RB1CC1: variants seen among roughly 807,000 people sequenced by gnomAD.
The protein encoded by RB1CC1 is RB1-inducible coiled-coil protein 1.
A neutral mutation model predicts 177.5 loss-of-function variants in RB1CC1; 46 were observed. The observed-to-expected ratio is 0.26, with a 90% CI of 0.20 to 0.33. The LOEUF (loss-of-function observed/expected upper bound fraction) is 0.33, where lower values mean the gene tolerates loss of function less well. RB1CC1 is among the 10% of genes least tolerant of loss of function. The pLI, the probability that RB1CC1 is intolerant of heterozygous loss-of-function variation, is 1.00. For missense variants in RB1CC1, 1,703 were observed against 1,816.3 expected, an observed-to-expected ratio of 0.94 and a Z score of 1.13; for synonymous variants, 666 against 613.6, an observed-to-expected ratio of 1.09 and a Z score of -1.26.
intron 20 of RB1CC1, 120 bp from the exon 21 acceptor site, chr8:52,630,648 A>T: frequency 1.1e-6 from 1 of 949,076 alleles, no homozygotes; most frequent in South Asian, 2.6e-5. Flanking sequence ...AAAGAGCCCA[A>T]ACTAATATAG....
Position 52,674,096 on chromosome 8 carries a change from T to C in RB1CC1, c.751A>G (p.Asn251Asp), listed in dbSNP as rs1026770656. 3.1e-6 allele frequency: 5 copies of C among 1,614,150 alleles called. No homozygotes were observed. The highest frequency in any genetic ancestry group is 1.7e-5 in the Admixed American group (1 of 60,012). ...VLSPDMPRTTNESLLTSFPKS... is the reference protein window; with the variant it reads ...VLSPDMPRTTDESLLTSFPKS... ...GGAAATGAGGTTAACAAAGATTCGT[T>C]AGTTGTTCTAGGCATATCAGGAGAG... is the stretch of plus-strand genomic sequence containing the variant. Residue 251 changes from asparagine (N) to aspartate (D), a missense_variant, in exon 7 of 24, where the codon AAC becomes GAC. By Grantham distance (23) the Asn-to-Asp change is conservative. This residue lies in a region of RB1CC1 where 315 missense variants were observed against 304.9 expected (regional missense o/e 1.03). Transcript: ENST00000025008.
Position 52,661,601 on chromosome 8 carries a change from AAC to A in RB1CC1, c.1290_1291del (p.Leu431ArgfsTer3). 1 of 1,612,926 alleles carries A rather than the reference AAC, an allele frequency of 6.2e-7. No homozygotes were observed. Among genetic ancestry groups the A allele is most frequent in the Non-Finnish European group, 8.5e-7 (1 of 1,179,488 alleles). On this transcript the variant is annotated frameshift_variant, in exon 9 of 24. Transcript: ENST00000025008. LOFTEE classifies it high-confidence loss of function. Reference sequence around the variant, plus strand: ...AGTGGTACACTTCTGCTTAATATCTAACAGTTTTCTATGATTTTGCAACATAA... The same window carrying A: ...AGTGGTACACTTCTGCTTAATATCTAAGTTTTCTATGATTTTGCAACATAA...
intron 16 of RB1CC1, 91 bp from the exon 17 acceptor site, chr8:52,642,903 C>T (rs938599472): frequency 1.6e-6 from 2 of 1,278,954 alleles, no homozygotes; most frequent in Non-Finnish European, 2.0e-6. Flanking sequence ...TTTTCTGTGG[C>T]ACATTTGTAC....
At chr8:52,666,096 C>G (rs12680204) in intron 8 of RB1CC1, among the ~76,000 whole-genome samples, 34,046 of 151,934 alleles carry the variant, frequency 0.22, 4,602 homozygotes, top group East Asian at 0.65. Flanking sequence ...AAAGCACATA[C>G]CAAAAGCAAA....
chr8:52,687,108 T>C (rs918770703), intron 1 of RB1CC1, 141 bp from the exon 2 acceptor site: 11 of 351,766 alleles, frequency 3.1e-5, no homozygotes, highest in East Asian at 7.8e-5. Flanking sequence ...TTCACTATAA[T>C]AACAACCACA....
At chr8:52,636,513 A>T (rs935751254) in intron 18 of RB1CC1, among the ~76,000 whole-genome samples, 10 of 152,230 alleles carry the variant, frequency 6.6e-5, no homozygotes, top group African/African-American at 1.9e-4. Flanking sequence ...AGAAAATTTT[A>T]AAAAATGCTA....
chr8:52,641,196 C>T (rs953480913), intron 18 of RB1CC1, among the ~76,000 whole-genome samples: 2 of 151,712 alleles, frequency 1.3e-5, no homozygotes, highest in Admixed American at 1.3e-4. Context: ...CCAGCCTGTC[C>T]AACATGGTGA....
chr8:52,691,143 T>C (rs751842926), intron 1 of RB1CC1, among the ~76,000 whole-genome samples: 4 of 152,220 alleles, frequency 2.6e-5, no homozygotes, highest in Non-Finnish European at 5.9e-5. Flanking sequence ...GTAATATCTA[T>C]TTAATCTCTT....
Position 52,642,385 on chromosome 8 carries a change from C to T in RB1CC1, c.4303G>A (p.Asp1435Asn), listed in dbSNP as rs1225196264. ...ATCATGCTTGTCTCCATTGCTGAATCCACTCTTCCTTCATCTGCTGTTTCC... is the reference window on the plus strand; with the variant it reads ...ATCATGCTTGTCTCCATTGCTGAATTCACTCTTCCTTCATCTGCTGTTTCC... ...AVETADEGRV[D>N]SAMETSMMSV... The change falls in exon 18 of 24, where the codon GAT becomes AAT. Residue 1435 changes from aspartate (D) to asparagine (N), a missense_variant. Physicochemically the swap from Asp to Asn is conservative, Grantham distance 23 (BLOSUM62 1). Transcript: ENST00000025008. 2.5e-6 allele frequency: 4 copies of T among 1,613,932 alleles called. No individual in the cohort carries two copies. The highest frequency in any genetic ancestry group is 1.3e-5 in the African/African-American group (1 of 74,926).
intron 21 of RB1CC1, among the ~76,000 whole-genome samples, chr8:52,628,903 T>C (rs568049170): frequency 7.2e-5 from 11 of 152,348 alleles, no homozygotes; most frequent in African/African-American, 2.6e-4. Flanking sequence ...TTAATGTCTT[T>C]TATTTATTAA....
At chr8:52,699,183 A>G (rs1475490096) in intron 1 of RB1CC1, among the ~76,000 whole-genome samples, 1 of 152,212 alleles carries the variant, frequency 6.6e-6, no homozygotes, top group East Asian at 1.9e-4. Context: ...CAGAAGGAAA[A>G]ACAACTGACT....
chr8:52,666,038 T>C (rs1351128033), intron 8 of RB1CC1, among the ~76,000 whole-genome samples: 1 of 152,044 alleles, frequency 6.6e-6, no homozygotes, highest in Non-Finnish European at 1.5e-5. Flanking sequence ...TGTCCAATCA[T>C]CCAAATCTCT....
chr8:52,655,964 C>G (rs777800199), intron 15 of RB1CC1, 44 bp downstream of exon 15: 5 of 1,415,088 alleles, frequency 3.5e-6, no homozygotes, highest in Non-Finnish European at 4.8e-6. Context: ...AAACGAATCA[C>G]TGATATTTTA....
intron 1 of RB1CC1, among the ~76,000 whole-genome samples, chr8:52,703,170 A>G (rs1259187699): frequency 2.0e-5 from 3 of 152,176 alleles, no homozygotes; most frequent in East Asian, 3.8e-4. Context: ...TCATATATGA[A>G]TAAGTACTCC....
At position 52,642,415 on chromosome 8, in the gene RB1CC1, C is replaced by G; in HGVS notation, c.4273G>C (p.Ala1425Pro). The change falls in exon 18 of 24, where the codon GCT becomes CCT. Residue 1425 changes from alanine to proline, a missense_variant. Transcript: ENST00000025008. ...CTTCCTTCATCTGCTGTTTCCACAGCGGATCTATCTGATTCACCTGGGAGT... is the reference window on the plus strand; with the variant it reads ...CTTCCTTCATCTGCTGTTTCCACAGGGGATCTATCTGATTCACCTGGGAGT... ...PELPGESDRSAVETADEGRVD... is the reference protein window; with the variant it reads ...PELPGESDRSPVETADEGRVD... 6.2e-7 allele frequency: 1 copy of G among 1,614,128 alleles called. No homozygotes were observed. Among genetic ancestry groups the G allele is most frequent in the Non-Finnish European group, 8.5e-7 (1 of 1,179,974 alleles).
chr8:52,690,636 G>T (rs572919461), intron 1 of RB1CC1, among the ~76,000 whole-genome samples: 6 of 152,290 alleles, frequency 3.9e-5, no homozygotes, highest in African/African-American at 1.2e-4. Context: ...ATTTTTGTGA[G>T]ACTAAACACA....
intron 8 of RB1CC1, among the ~76,000 whole-genome samples, chr8:52,664,860 A>C (rs1180156630): frequency 1.3e-5 from 2 of 152,308 alleles, no homozygotes; most frequent in East Asian, 1.9e-4. Context: ...ATCAGCAATA[A>C]ATATCTTTTT....
chr8:52,633,111 C>A (rs560643306), intron 20 of RB1CC1, among the ~76,000 whole-genome samples: 7 of 152,284 alleles, frequency 4.6e-5, no homozygotes, highest in African/African-American at 1.7e-4. Context: ...ACATCTTACA[C>A]ATACTGGTTG....
intron 1 of RB1CC1, among the ~76,000 whole-genome samples, chr8:52,687,835 C>G (rs541924621): frequency 6.6e-6 from 1 of 152,318 alleles, no homozygotes; most frequent in South Asian, 2.1e-4. Context: ...TTCAAACAAT[C>G]AAGTTTACTG....
Sources: gnomAD v4.1 joint callset for allele counts (sites outside exome capture counted in the v4.1 genomes callset) on GRCh38, gnomAD v4.1.1 for gene constraint, gnomAD v4.1.1 regional missense constraint, MANE v1.5 for transcripts, NCBI Gene and HGNC (gene_info 2026-07-23, HGNC 2026-07-21) for gene names.